Variants in INPP4B observed in about 807,000 individuals in gnomAD.
The protein encoded by INPP4B is inositol polyphosphate 4-phosphatase type II.
INPP4B carries 55 observed loss-of-function variants against 122.5 expected under a neutral mutation model. That is an observed-to-expected ratio of 0.45 (90% confidence interval 0.36 to 0.56). The LOEUF (loss-of-function observed/expected upper bound fraction) is 0.56. INPP4B is among the 20% of genes least tolerant of loss of function. INPP4B has a pLI of 0.00. For missense variants in INPP4B, 1,000 were observed against 1,097.7 expected (o/e 0.91, Z 1.26); for synonymous variants, 403 against 388.7 (o/e 1.04, Z -0.43).
At position 142,028,770 on chromosome 4, in the gene INPP4B, A is replaced by G. The variant is rs1275045077; in HGVS notation, c.*12T>C. 3 of 1,603,030 alleles carry G rather than the reference A, an allele frequency of 1.9e-6. No individual in the cohort carries two copies. Among genetic ancestry groups the G allele is most frequent in the South Asian group, 1.1e-5 (1 of 88,366 alleles). The stretch of plus-strand genomic sequence containing the variant: ...TGTATTTGTGTTCCTGTTTATTAAC[A>G]TGTTGGTAAACTTAGGTGTCAGCTT... On this transcript the variant is annotated 3_prime_UTR_variant, in exon 26 of 26. Transcript: ENST00000262992.
chr4:142,284,052 T>C (rs935947840), intron 9 of INPP4B, among the ~76,000 whole-genome samples: 1 of 152,096 alleles, frequency 6.6e-6, no homozygotes, highest in African/African-American at 2.4e-5. Flanking sequence ...ACAATTATCC[T>C]TTGGATTTAG....
At chr4:142,226,191 G>A (rs1414650034) in intron 12 of INPP4B, among the ~76,000 whole-genome samples, 1 of 152,222 alleles carries the variant, frequency 6.6e-6, no homozygotes, top group Non-Finnish European at 1.5e-5. Flanking sequence ...AAGCTTGAAG[G>A]ACTATAAAGT....
intron 2 of INPP4B, among the ~76,000 whole-genome samples, chr4:142,641,340 T>C (rs1287866929): frequency 6.6e-6 from 1 of 152,146 alleles, no homozygotes; most frequent in Non-Finnish European, 1.5e-5. Flanking sequence ...TACACATATA[T>C]ACATGTGCCA....
In INPP4B at chr4:142,662,081, C is replaced by A. The variant is rs75799892; in HGVS notation, c.-191+63758G>T. Among the ~76,000 whole-genome samples the A allele has an allele frequency of 2.6e-5, 4 of 152,038 alleles. No homozygotes were observed. In the South Asian group the frequency reaches 8.3e-4, roughly 32 times the overall value. ...ACCCTGTCTCTACTAAAAGTACAAA[C>A]AAAATTAACCGGGCGTGGTGGCAGG... is the stretch of plus-strand genomic sequence containing the variant. On this transcript the variant is annotated intron_variant, in intron 2 of 25. Coordinates refer to ENST00000262992, the MANE Select transcript of INPP4B (RefSeq NM_001101669.3).
intron 9 of INPP4B, among the ~76,000 whole-genome samples, chr4:142,299,173 G>GTTTTTTTTTTTTTTTTTTT: frequency 7.0e-6 from 1 of 143,478 alleles, no homozygotes; most frequent in Non-Finnish European, 1.5e-5. Flanking sequence ...TTTTTTTGGG[G>GTTTTTTTTTTTTTTTTTTT]GGGAGACAGA....
At chr4:142,539,409 G>A (rs1451014821) in intron 2 of INPP4B, among the ~76,000 whole-genome samples, 2 of 151,952 alleles carry the variant, frequency 1.3e-5, no homozygotes, top group Non-Finnish European at 2.9e-5. Flanking sequence ...CAATTCCATG[G>A]AAGTCACATT....
At chr4:142,649,411 TAACA>T (rs1385673848) in intron 2 of INPP4B, among the ~76,000 whole-genome samples, 1 of 152,144 alleles carries the variant, frequency 6.6e-6, no homozygotes, top group Admixed American at 6.5e-5. Flanking sequence ...AGGTCGGTAA[TAACA>T]AACTTCTCCG....
chr4:142,220,832 T>C (rs566137354), intron 12 of INPP4B, among the ~76,000 whole-genome samples: 1 of 152,282 alleles, frequency 6.6e-6, no homozygotes, highest in African/African-American at 2.4e-5. Flanking sequence ...ATTCACACTA[T>C]GTCTTTCTTC....
chr4:142,273,486 A>G (rs915283815), intron 9 of INPP4B, among the ~76,000 whole-genome samples: 10 of 152,102 alleles, frequency 6.6e-5, no homozygotes, highest in African/African-American at 2.2e-4. Flanking sequence ...AGAAGTGCAG[A>G]GAACACAAAT....
intron 12 of INPP4B, among the ~76,000 whole-genome samples, chr4:142,214,584 G>A (rs532439404): frequency 1.2e-4 from 19 of 152,234 alleles, no homozygotes; most frequent in African/African-American, 2.4e-4. Context: ...ATGGAGTCTC[G>A]CTCTGCCGCC....
chr4:142,055,857 A>T (rs1305908017), intron 25 of INPP4B, among the ~76,000 whole-genome samples: 1 of 151,896 alleles, frequency 6.6e-6, no homozygotes, highest in Non-Finnish European at 1.5e-5. Flanking sequence ...AGTGTATTAC[A>T]TTTATTGTGT....
chr4:142,161,658 A>G (rs899363538), intron 16 of INPP4B, among the ~76,000 whole-genome samples: 3 of 151,942 alleles, frequency 2.0e-5, no homozygotes, highest in Non-Finnish European at 4.4e-5. Flanking sequence ...AATTATTTAG[A>G]GTAGACTCTA....
intron 5 of INPP4B, among the ~76,000 whole-genome samples, chr4:142,410,681 A>G (rs1004510042): frequency 2.0e-4 from 31 of 152,322 alleles, no homozygotes; most frequent in African/African-American, 7.0e-4. Flanking sequence ...GAATTACTCA[A>G]TCTCTTTGAA....
intron 2 of INPP4B, among the ~76,000 whole-genome samples, chr4:142,720,626 T>C (rs925476701): frequency 6.8e-6 from 1 of 147,008 alleles, no homozygotes; most frequent in African/African-American, 2.5e-5. Flanking sequence ...TATTATTTTT[T>C]ATTGTCTGTT....
At chr4:142,801,218 G>A (rs537420786) in intron 1 of INPP4B, among the ~76,000 whole-genome samples, 1 of 152,312 alleles carries the variant, frequency 6.6e-6, no homozygotes, top group African/African-American at 2.4e-5. Context: ...GATGATAATG[G>A]CCAAAGTTCA....
At chr4:142,698,298 A>G (rs564060502) in intron 2 of INPP4B, among the ~76,000 whole-genome samples, 2 of 152,076 alleles carry the variant, frequency 1.3e-5, no homozygotes, top group South Asian at 4.2e-4. Flanking sequence ...TCTCATAGAA[A>G]AAAAGACATA....
intron 8 of INPP4B, 90 bp from the exon 9 acceptor site, chr4:142,305,627 G>A: frequency 6.6e-7 from 1 of 1,514,184 alleles, no homozygotes; most frequent in Middle Eastern, 1.8e-4. Flanking sequence ...GTCTTTAGAA[G>A]AATGAAATAT....
intron 2 of INPP4B, among the ~76,000 whole-genome samples, chr4:142,603,648 C>A (rs1356216905): frequency 6.6e-6 from 1 of 151,764 alleles, no homozygotes; most frequent in Non-Finnish European, 1.5e-5. Context: ...ATAAAACTTA[C>A]CAAAATAAAA....
At chr4:142,102,667 T>A (rs912640511) in intron 23 of INPP4B, among the ~76,000 whole-genome samples, 190 of 152,106 alleles carry the variant, frequency 1.2e-3, no homozygotes, top group African/African-American at 4.2e-3. Flanking sequence ...CTCAACCAGG[T>A]ATGGCAGATA....
Sources: gnomAD v4.1 joint callset for allele counts (sites outside exome capture counted in the v4.1 genomes callset) on GRCh38, gnomAD v4.1.1 for gene constraint, MANE v1.5 for transcripts, NCBI Gene and HGNC (gene_info 2026-07-23, HGNC 2026-07-21) for gene names.